RNF150: variants seen among roughly 807,000 people sequenced by gnomAD.
RNF150 encodes the protein ring finger protein 150.
In RNF150, 24 loss-of-function variants were observed where a neutral mutation model predicts 39.3. The observed-to-expected ratio is 0.61, with a 90% confidence interval of 0.44 to 0.86. The LOEUF (loss-of-function observed/expected upper bound fraction) is 0.86, where lower values mean the gene tolerates loss of function less well. Among genes scored for constraint, RNF150 ranks in the 40% least tolerant of loss-of-function variants. The pLI, the probability that RNF150 is intolerant of heterozygous loss-of-function variation, is 0.00. For missense variants in RNF150, 502 were observed against 587.8 expected (o/e 0.85, Z 1.51); for synonymous variants, 255 against 227.3 (o/e 1.12, Z -1.10).
At chr4:140,882,858 AT>A (rs1180714458) in intron 6 of RNF150, among the ~76,000 whole-genome samples, 4 of 151,966 alleles carry the variant, frequency 2.6e-5, no homozygotes, top group African/African-American at 9.7e-5. Flanking sequence ...TTTGTTTTTC[AT>A]TTATTTAGTC....
chr4:141,183,347 C>G (rs544687937), intron 1 of RNF150, among the ~76,000 whole-genome samples: 15 of 152,138 alleles, frequency 9.9e-5, no homozygotes, highest in Non-Finnish European at 1.8e-4. Flanking sequence ...TCCTGCCCCA[C>G]TGGTATATAT....
intron 1 of RNF150, among the ~76,000 whole-genome samples, chr4:141,125,378 A>G (rs536370815): frequency 6.6e-6 from 1 of 152,336 alleles, no homozygotes; most frequent in East Asian, 1.9e-4. Context: ...ACCCTCAAGA[A>G]CTAAGATAAT....
intron 1 of RNF150, among the ~76,000 whole-genome samples, chr4:141,146,771 C>T (rs1727207631): frequency 6.6e-6 from 1 of 152,096 alleles, no homozygotes; most frequent in Non-Finnish European, 1.5e-5. Context: ...GTCCTACATC[C>T]CACTCAAGGC....
chr4:141,126,623 A>T (rs1209074677), intron 1 of RNF150, among the ~76,000 whole-genome samples: 4 of 152,146 alleles, frequency 2.6e-5, no homozygotes, highest in African/African-American at 9.7e-5. Context: ...GACCAACTGG[A>T]GGGCACATGG....
intron 6 of RNF150, chr4:140,910,912 T>C: frequency 3.4e-6 from 2 of 595,208 alleles, no homozygotes; most frequent in Non-Finnish European, 6.0e-6. Flanking sequence ...GTGTGAGCCC[T>C]GGTGTCAGTG....
chr4:141,019,015 G>C (rs973978993), intron 1 of RNF150, among the ~76,000 whole-genome samples: 1 of 140,786 alleles, frequency 7.1e-6, no homozygotes, highest in Admixed American at 7.5e-5. Context: ...TTCTTTGAAG[G>C]CAATCTTACT....
At chr4:140,999,664 G>A (rs1734502352) in intron 1 of RNF150, among the ~76,000 whole-genome samples, 1 of 152,034 alleles carries the variant, frequency 6.6e-6, no homozygotes, top group African/African-American at 2.4e-5. Flanking sequence ...GCCACGTGCG[G>A]CGGCTCACAT....
intron 1 of RNF150, among the ~76,000 whole-genome samples, chr4:140,995,914 T>C (rs79774687): frequency 0.076 from 11,524 of 152,224 alleles, 485 homozygotes; most frequent in Middle Eastern, 0.16. Flanking sequence ...TCTTAGCTAC[T>C]GTAAACAGTG....
intron 1 of RNF150, among the ~76,000 whole-genome samples, chr4:141,055,917 A>G (rs909511678): frequency 1.3e-5 from 2 of 152,196 alleles, no homozygotes; most frequent in Non-Finnish European, 2.9e-5. Flanking sequence ...ACAGGTGTGC[A>G]CTTTGAAAAT....
intron 1 of RNF150, among the ~76,000 whole-genome samples, chr4:140,978,340 G>T (rs1354568569): frequency 6.6e-6 from 1 of 152,098 alleles, no homozygotes; most frequent in African/African-American, 2.4e-5. Context: ...AACTGTTACA[G>T]AATTTAAAAA....
At chr4:141,041,573 G>GA in intron 1 of RNF150, among the ~76,000 whole-genome samples, 1 of 152,090 alleles carries the variant, frequency 6.6e-6, no homozygotes, top group Non-Finnish European at 1.5e-5. Flanking sequence ...AATACAACTG[G>GA]AAAATCTCTG....
In RNF150 at chr4:140,999,969, G is replaced by GAAGAAGAAGAAAAGAAGAA. The variant is rs1560678529; in HGVS notation, c.485-32097_485-32096insTTCTTCTTTTCTTCTTCTT. On this transcript the variant is annotated intron_variant, in intron 1 of 6. Transcript: ENST00000515673. ...AGAAGAAGAAGAAGAAGAAGAAGAA[G>GAAGAAGAAGAAAAGAAGAA]AAGAAGAAAAGAAGAAAAGAAGAAA... is the stretch of plus-strand genomic sequence containing the variant. Among the ~76,000 whole-genome samples, 5 of 31,004 alleles carry GAAGAAGAAGAAAAGAAGAA rather than the reference G, an allele frequency of 1.6e-4. 1 individual carries two copies. Among genetic ancestry groups the GAAGAAGAAGAAAAGAAGAA allele is most frequent in the Admixed American group, 1.3e-3 (2 of 1,544 alleles). The allele number at this position is 31,004 out of a possible 152,430, so 20.3% of individuals were successfully genotyped here.
intron 4 of RNF150, among the ~76,000 whole-genome samples, chr4:140,929,369 T>G (rs1241461504): frequency 5.1e-5 from 7 of 137,562 alleles, no homozygotes; most frequent in African/African-American, 1.7e-4. Flanking sequence ...TTTTTTTTTT[T>G]TTTTTTTTTT....
rs894412393 is a variant in RNF150 at position 140,866,505 on chromosome 4, G to T, written c.*1756C>A. 6.6e-6 allele frequency: 1 copy of T among 152,190 alleles called. No individual in the cohort carries two copies. Among genetic ancestry groups the T allele is most frequent in the Non-Finnish European group, 1.5e-5 (1 of 68,030 alleles). 9.4% of individuals were successfully genotyped at this position (152,190 alleles called of 1,614,324 possible). A position where few individuals can be genotyped will look rare whatever the true frequency, so the allele number is the denominator to read the frequency against. On this transcript the variant is annotated 3_prime_UTR_variant, in exon 7 of 7. Transcript: ENST00000515673. ...TCCTAGGGAGATGCAACCTTTCTGA[G>T]GGTAATAATCATCTGCCTTGCCTTA...
chr4:141,051,781 C>T (rs1389400104), intron 1 of RNF150, among the ~76,000 whole-genome samples: 2 of 152,212 alleles, frequency 1.3e-5, no homozygotes, highest in Non-Finnish European at 2.9e-5. Context: ...TCTGAGCCCT[C>T]CAAACTGCTC....
chr4:141,118,388 C>T (rs537144992), intron 1 of RNF150, among the ~76,000 whole-genome samples: 1 of 152,120 alleles, frequency 6.6e-6, no homozygotes, highest in Non-Finnish European at 1.5e-5. Flanking sequence ...AAACACTGTA[C>T]CCTCCTGGAA....
intron 2 of RNF150, among the ~76,000 whole-genome samples, chr4:140,962,081 ACTCT>A (rs1156404272): frequency 9.0e-6 from 1 of 110,928 alleles, no homozygotes; most frequent in Non-Finnish European, 2.0e-5. Flanking sequence ...CTCTCTCTCT[ACTCT>A]CTCTCTCTCT....
intron 1 of RNF150, among the ~76,000 whole-genome samples, chr4:141,195,807 A>G (rs182379452): frequency 5.3e-5 from 8 of 152,284 alleles, no homozygotes; most frequent in Admixed American, 2.0e-4. Context: ...ATTATTGTTC[A>G]TTGATAAAGT....
chr4:141,100,597 A>T (rs1400883542), intron 1 of RNF150, among the ~76,000 whole-genome samples: 1 of 152,164 alleles, frequency 6.6e-6, no homozygotes, highest in Non-Finnish European at 1.5e-5. Context: ...AGCCTCAACA[A>T]TGTCTAACTT....
Sources: gnomAD v4.1 joint callset for allele counts (sites outside exome capture counted in the v4.1 genomes callset) on GRCh38, gnomAD v4.1.1 for gene constraint, MANE v1.5 for transcripts, NCBI Gene and HGNC (gene_info 2026-07-23, HGNC 2026-07-21) for gene names.